Variants in HEATR4 observed in about 807,000 individuals in gnomAD.
The protein encoded by HEATR4 is HEAT repeat containing 4.
HEATR4 carries 95 observed loss-of-function variants against 108.8 expected under a neutral mutation model. That is an observed-to-expected ratio of 0.87 (90% CI 0.74 to 1.04). The LOEUF (loss-of-function observed/expected upper bound fraction) is 1.04, where lower values mean the gene tolerates loss of function less well. HEATR4 is among the 50% of genes least tolerant of loss of function. The pLI is 0.00. For missense variants in HEATR4, 1,152 were observed against 1,253.8 expected (o/e 0.92, Z 1.23); for synonymous variants, 443 against 459.4 (o/e 0.96, Z 0.46).
chr14:73,547,208 C>G lies in HEATR4; in HGVS notation c.-152+11543G>C, dbSNP rs1639249369. On this transcript the variant is annotated intron_variant, in intron 1 of 17. Transcript: ENST00000553558. Reference sequence around the variant, plus strand: ...CCAGCCAGGCCAACATGGTAAAACGCCATCTCTACTGAAAATACAAGTATT... The same window carrying G: ...CCAGCCAGGCCAACATGGTAAAACGGCATCTCTACTGAAAATACAAGTATT... 4.4e-5 allele frequency among the ~76,000 whole-genome samples: 5 copies of G among 113,142 alleles called. 2 individuals are homozygous for G. The highest frequency in any genetic ancestry group is 1.1e-4 in the African/African-American group (4 of 35,458). The allele number at this position is 113,142 out of a possible 152,430, so 74.2% of individuals were successfully genotyped here.
At position 73,492,626 on chromosome 14, in the gene HEATR4, A is replaced by C; in HGVS notation, c.2844+440T>G. 6.2e-7 allele frequency: 1 copy of C among 1,613,796 alleles called. No homozygotes were observed. The highest frequency in any genetic ancestry group is 8.5e-7 in the Non-Finnish European group (1 of 1,179,836). On this transcript the variant is annotated intron_variant, in intron 17 of 17. Coordinates refer to ENST00000553558, the MANE Select transcript of HEATR4 (RefSeq NM_001220484.1). This position sits in a 1 kb window ranked among gnomAD's most constrained non-coding sequence, Gnocchi z 4.9. ...TCGCTGGGAGGCTGGAGAACCTGTA[A>C]ACGTGGGGGCCCAGTTGACAACAGA...
At chr14:73,574,771 T>C in the HEATR4 span, 50,630 of 1,454,156 alleles carry the variant, frequency 0.035, 1,660 homozygotes, top group African/African-American at 0.19. Flanking sequence ...AGGTAAATTC[T>C]CAAAGTTGCA....
Position 73,530,257 on chromosome 14 carries a change from C to T in HEATR4, c.-151-13G>A, listed in dbSNP as rs74628208. On this transcript the variant is annotated splice_polypyrimidine_tract_variant and intron_variant, in intron 1 of 17. Transcript: ENST00000553558. The stretch of plus-strand genomic sequence containing the variant: ...GCTGGGACTGCGCCTGGAATAGATA[C>T]GGGTAAAGAACCTTTTACATCAGAC... 0.01 allele frequency: 1,447 copies of T among 141,092 alleles called. 81 individuals carry two copies. Among genetic ancestry groups the T allele is most frequent in the South Asian group, 0.029 (119 of 4,156 alleles). 8.7% of individuals were successfully genotyped at this position (141,092 alleles called of 1,614,324 possible).
At chr14:73,629,287 A>G in the HEATR4 span, among the ~76,000 whole-genome samples, 6 of 152,188 alleles carry the variant, frequency 3.9e-5, no homozygotes, top group African/African-American at 1.4e-4. Context: ...ACTACAGTAT[A>G]TTATACACCT....
At chr14:73,495,811 C>G (rs1886079887) in intron 15 of HEATR4, among the ~76,000 whole-genome samples, 1 of 152,060 alleles carries the variant, frequency 6.6e-6, no homozygotes, top group Non-Finnish European at 1.5e-5. Context: ...ATTCCTTCAT[C>G]TTATCTAACA....
chr14:73,598,449 G>A, the HEATR4 span, among the ~76,000 whole-genome samples: 3 of 151,832 alleles, frequency 2.0e-5, no homozygotes, highest in Non-Finnish European at 4.4e-5. Flanking sequence ...AAATCTGGAT[G>A]AACTTGTGAC....
intron 17 of HEATR4, among the ~76,000 whole-genome samples, chr14:73,479,220 A>C (rs193007875): frequency 6.6e-6 from 1 of 151,940 alleles, no homozygotes; most frequent in Non-Finnish European, 1.5e-5. Flanking sequence ...GGTTCACGCC[A>C]TTCTCCTGCC....
At chr14:73,521,615 G>T (rs1887981688) in intron 3 of HEATR4, among the ~76,000 whole-genome samples, 2 of 152,286 alleles carry the variant, frequency 1.3e-5, no homozygotes, top group African/African-American at 2.4e-5. Context: ...GGAAATCAGG[G>T]ATAGTGTAAT....
the HEATR4 span, chr14:73,580,673 T>C: frequency 6.6e-6 from 1 of 152,144 alleles, no homozygotes. Context: ...TCATGGTGGC[T>C]AGAGATATCT....
At position 73,491,264 on chromosome 14, in the gene HEATR4, G is replaced by A. The variant is rs763857015; in HGVS notation, c.2844+1802C>T. On this transcript the variant is annotated intron_variant, in intron 17 of 17. Coordinates refer to ENST00000553558, the MANE Select transcript of HEATR4 (RefSeq NM_001220484.1). ...CCTGGGGGACGCGCTACCCGGTGGG[G>A]CGGCGGTGGCGGCCGTCCCGGACGC... is the stretch of plus-strand genomic sequence containing the variant. 5.1e-6 allele frequency: 8 copies of A among 1,570,480 alleles called. No individual in the cohort carries two copies. In the Admixed American group the frequency reaches 1.1e-4, roughly 21 times the overall value.
the HEATR4 span, among the ~76,000 whole-genome samples, chr14:73,583,348 CAAA>C: frequency 7.7e-5 from 10 of 129,064 alleles, no homozygotes; most frequent in African/African-American, 1.1e-4. Context: ...GACTCCGTCT[CAAA>C]AAAAAAAAAA....
the HEATR4 span, among the ~76,000 whole-genome samples, chr14:73,593,467 T>G: frequency 6.7e-6 from 1 of 149,858 alleles, no homozygotes; most frequent in Non-Finnish European, 1.5e-5. Context: ...GCCTCCCAAG[T>G]AGCTAGGACT....
the HEATR4 span, among the ~76,000 whole-genome samples, chr14:73,576,816 A>AAAAAAAAAAAACAAAAAAAAAG: frequency 1.7e-5 from 1 of 58,142 alleles, no homozygotes; most frequent in African/African-American, 6.0e-5. Context: ...AAAAAAAAAA[A>AAAAAAAAAAAACAAAAAAAAAG]AAAAGACAAT....
At chr14:73,566,110 A>C in the HEATR4 span, among the ~76,000 whole-genome samples, 2 of 152,088 alleles carry the variant, frequency 1.3e-5, no homozygotes, top group African/African-American at 4.8e-5. Context: ...CAGAGTGTTG[A>C]TTGGTGCATT....
rs4903121 is a variant in HEATR4 at position 73,538,343 on chromosome 14, C to G, written c.-151-8099G>C. 3.5e-5 allele frequency among the ~76,000 whole-genome samples: 4 copies of G among 114,184 alleles called. 2 individuals are homozygous for G. The highest frequency in any genetic ancestry group is 7.6e-5 in the Non-Finnish European group (4 of 52,542). The allele number at this position is 114,184 out of a possible 152,430, so 74.9% of individuals were successfully genotyped here. On this transcript the variant is annotated intron_variant, in intron 1 of 17. Transcript: ENST00000553558. Reference sequence around the variant, plus strand: ...AAAGACATTGTAAGGGCTGGGCGCGCTGGCTCACGCCTGTAATCCCAGCAC... The same window carrying G: ...AAAGACATTGTAAGGGCTGGGCGCGGTGGCTCACGCCTGTAATCCCAGCAC...
chr14:73,491,612 C>G (rs1389515839), intron 17 of HEATR4: 14 of 1,547,092 alleles, frequency 9.0e-6, no homozygotes, highest in Admixed American at 2.0e-5. Flanking sequence ...CCCCAGCAGC[C>G]GGCGGCGAGC....
chr14:73,608,665 C>G, the HEATR4 span, among the ~76,000 whole-genome samples: 1 of 152,280 alleles, frequency 6.6e-6, no homozygotes, highest in Non-Finnish European at 1.5e-5. Flanking sequence ...TACCCAGTTC[C>G]AAAGTCGCTT....
chr14:73,615,787 C>T, the HEATR4 span, among the ~76,000 whole-genome samples: 3 of 151,940 alleles, frequency 2.0e-5, no homozygotes, highest in African/African-American at 7.3e-5. Flanking sequence ...TGCAGTGGCT[C>T]GCACTTAAAA....
In HEATR4 at chr14:73,556,475, T is replaced by C. The variant is rs1365242206; in HGVS notation, c.-152+2276A>G. Among the ~76,000 whole-genome samples, 4 of 111,572 alleles carry C rather than the reference T, an allele frequency of 3.6e-5. 1 individual carries two copies. Among genetic ancestry groups the C allele is most frequent in the African/African-American group, 1.2e-4 (4 of 34,778 alleles). The allele number at this position is 111,572 out of a possible 152,430, so 73.2% of individuals were successfully genotyped here. A position where few individuals can be genotyped will look rare whatever the true frequency, so the allele number is the denominator to read the frequency against. ...AAGGAATAGTTATTATCATCCGATA[T>C]GATGGCTTATTAAGAAGGAAGGGAA... On this transcript the variant is annotated intron_variant, in intron 1 of 17. Coordinates refer to ENST00000553558, the MANE Select transcript of HEATR4 (RefSeq NM_001220484.1).
Sources: gnomAD v4.1 joint callset for allele counts (sites outside exome capture counted in the v4.1 genomes callset) on GRCh38, gnomAD v4.1.1 for gene constraint, Gnocchi (gnomAD v3.1) non-coding constraint, MANE v1.5 for transcripts, NCBI Gene and HGNC (gene_info 2026-07-23, HGNC 2026-07-21) for gene names.